PAGE1: variants seen among roughly 807,000 people sequenced by gnomAD.
The protein encoded by PAGE1 is PAGE family member 1.
PAGE1 carries 6 observed loss-of-function variants against 11.5 expected under a neutral mutation model. That is an observed-to-expected ratio of 0.52 (90% confidence interval 0.29 to 1.03). PAGE1 has a LOEUF of 1.03. Among genes scored for constraint, PAGE1 ranks in the 50% least tolerant of loss-of-function variants. PAGE1 has a pLI of 0.09. For missense variants in PAGE1, 120 were observed against 110.2 expected (o/e 1.09, Z -0.40); for synonymous variants, 42 against 40.2 (o/e 1.05, Z -0.17).
At chrX:49,694,824 G>T in intron 1 of PAGE1, 46 bp from the exon 2 acceptor site, 2 of 699,450 alleles carry the variant, frequency 2.9e-6, no homozygotes, top group Non-Finnish European at 4.5e-6. Context: ...TGAGAGGACA[G>T]CTATATTCGA....
Position 49,689,956 on chromosome X carries a change from CAT to C in PAGE1, c.293-415_293-414del, listed in dbSNP as rs1221265741. Among the ~76,000 whole-genome samples the C allele has an allele frequency of 3.6e-4, 21 of 57,639 alleles. 1 individual carries two copies. Among genetic ancestry groups the C allele is most frequent in the South Asian group, 1.4e-3 (1 of 705 alleles). The allele number at this position is 57,639 out of a possible 115,157, so 50.1% of individuals were successfully genotyped here. A position where few individuals can be genotyped will look rare whatever the true frequency, so the allele number is the denominator to read the frequency against. On this transcript the variant is annotated intron_variant, in intron 4 of 5. Transcript: ENST00000376150. ...GTATATATATGTGTGTATATACACACATATATATGTGTATATATATGTGTGTA... is the reference window on the plus strand; with the variant it reads ...GTATATATATGTGTGTATATACACACATATATGTGTATATATATGTGTGTA...
At chrX:49,693,556 G>A (rs1251393725) in intron 3 of PAGE1, among the ~76,000 whole-genome samples, 9 of 111,224 alleles carry the variant, frequency 8.1e-5, no homozygotes, top group African/African-American at 2.9e-4. Context: ...CCAGCTACCT[G>A]TATGGCAGTA....
At chrX:49,694,833 G>A (rs2066935342) in intron 1 of PAGE1, 55 bp from the exon 2 acceptor site, 2 of 625,912 alleles carry the variant, frequency 3.2e-6, no homozygotes, top group Admixed American at 2.8e-5. Flanking sequence ...AGCTATATTC[G>A]ATCACTTCCA....
chrX:49,687,494 A>G lies in PAGE1; in HGVS notation c.*47T>C, dbSNP rs782155594. 3.9e-5 allele frequency: 46 copies of G among 1,171,152 alleles called. No homozygotes were observed. The highest frequency in any genetic ancestry group is 5.1e-5 in the Non-Finnish European group (44 of 860,530). On this transcript the variant is annotated 3_prime_UTR_variant, in exon 6 of 6. Transcript: ENST00000376150. ...CTTTATTGGGAGAATTTTAATGGTC[A>G]AATTTCCAACACAGGAGCAGCCTGA...
At chrX:49,689,379 C>T in intron 5 of PAGE1, 39 bp downstream of exon 5, 2 of 1,012,440 alleles carry the variant, frequency 2.0e-6, no homozygotes, top group East Asian at 6.0e-5. Flanking sequence ...ACTGTGGAAA[C>T]AGACACCCTA....
rs782710011 is a variant in PAGE1 at position 49,689,699 on chromosome X, T to C, written c.293-156A>G. Among the ~76,000 whole-genome samples the C allele has an allele frequency of 3.5e-3, 198 of 55,912 alleles. 2 individuals are homozygous for C. The highest frequency in any genetic ancestry group is 0.015 in the East Asian group (22 of 1,453). The allele number at this position is 55,912 out of a possible 115,157, so 48.6% of individuals were successfully genotyped here. A position where few individuals can be genotyped will look rare whatever the true frequency, so the allele number is the denominator to read the frequency against. ...ATATATGTGTGTATATATATACACA[T>C]ATATATGTGTATATATGTATATATG... On this transcript the variant is annotated intron_variant, in intron 4 of 5. Coordinates refer to ENST00000376150, the MANE Select transcript of PAGE1 (RefSeq NM_003785.4).
intron 4 of PAGE1, among the ~76,000 whole-genome samples, 157 bp from the exon 5 acceptor site, chrX:49,689,700 ATATATGTG>A (rs1557141698): frequency 1.4e-4 from 8 of 58,460 alleles, no homozygotes; most frequent in Non-Finnish European, 2.1e-4. Flanking sequence ...ATATACACAT[ATATATGTG>A]TATATATGTA....
Position 49,689,937 on chromosome X carries a change from ATATG to A in PAGE1, c.293-398_293-395del, listed in dbSNP as rs1490872125. On this transcript the variant is annotated intron_variant, in intron 4 of 5. Coordinates refer to ENST00000376150, the MANE Select transcript of PAGE1 (RefSeq NM_003785.4). ...ATACACACATATATAGGGTGTATAT[ATATG>A]TGTGTATATACACACATATATATGT... 2.1e-4 allele frequency among the ~76,000 whole-genome samples: 11 copies of A among 52,397 alleles called. 1 individual carries two copies. Among genetic ancestry groups the A allele is most frequent in the African/African-American group, 9.1e-4 (11 of 12,089 alleles). 45.5% of individuals were successfully genotyped at this position (52,397 alleles called of 115,157 possible). A position where few individuals can be genotyped will look rare whatever the true frequency, so the allele number is the denominator to read the frequency against.
chrX:49,694,205 G>A lies in PAGE1; in HGVS notation c.64-4C>T, dbSNP rs1280136470. On this transcript the variant is annotated splice_region_variant and splice_polypyrimidine_tract_variant and intron_variant, in intron 2 of 5. Transcript: ENST00000376150. ...CAGGTTGCTCATCACTGGACTCCTT[G>A]TGGTAGGGAATATGTGTGTGAGTGT... The A allele has an allele frequency of 1.8e-6, 2 of 1,120,896 alleles. No homozygotes were observed. Among genetic ancestry groups the A allele is most frequent in the Non-Finnish European group, 2.4e-6 (2 of 828,228 alleles). The allele number at this position is 1,120,896 out of a possible 1,213,427, so 92.4% of individuals were successfully genotyped here.
chrX:49,694,350 A>G, intron 2 of PAGE1, 149 bp from the exon 3 acceptor site: 1 of 427,306 alleles, frequency 2.3e-6, no homozygotes, highest in Non-Finnish European at 4.1e-6. Flanking sequence ...ACTTTATTCT[A>G]TATGGTTAAT....
chrX:49,694,264 C>A, intron 2 of PAGE1, 63 bp from the exon 3 acceptor site: 1 of 586,082 alleles, frequency 1.7e-6, no homozygotes, highest in South Asian at 2.7e-5. Flanking sequence ...TAATACATGT[C>A]AAAAAATATA....
chrX:49,693,042 G>A (rs1281460053), intron 3 of PAGE1, among the ~76,000 whole-genome samples: 3 of 111,660 alleles, frequency 2.7e-5, no homozygotes, highest in Non-Finnish European at 5.6e-5. Context: ...TCTACATCAT[G>A]GATAGGATTT....
intron 1 of PAGE1, 121 bp from the exon 2 acceptor site, chrX:49,694,899 A>C (rs2066935479): frequency 2.3e-6 from 1 of 444,046 alleles, no homozygotes; most frequent in African/African-American, 2.4e-5. Context: ...AATAAGTCCC[A>C]GAGTTAAGTG....
intron 2 of PAGE1, 49 bp downstream of exon 2, chrX:49,694,659 G>T: frequency 1.2e-6 from 1 of 866,205 alleles, no homozygotes; most frequent in Non-Finnish European, 1.6e-6. Context: ...TCTGCTAATA[G>T]AAAACATCGA....
chrX:49,694,399 G>A lies in PAGE1; in HGVS notation c.64-198C>T, dbSNP rs782745507. Among the ~76,000 whole-genome samples the A allele has an allele frequency of 2.6e-4, 29 of 111,410 alleles. No homozygotes were observed. The East Asian group carries it at 6.2e-3, about 24-fold the overall frequency. On this transcript the variant is annotated intron_variant, in intron 2 of 5. Transcript: ENST00000376150. ...CCACAGAAAGGTTACTGCGAGAAAAGTTACCCACAAGGACTTTGGAAGCTA... is the reference window on the plus strand; with the variant it reads ...CCACAGAAAGGTTACTGCGAGAAAAATTACCCACAAGGACTTTGGAAGCTA...
chrX:49,690,430 C>G (rs1483992941), intron 4 of PAGE1, among the ~76,000 whole-genome samples: 1 of 109,731 alleles, frequency 9.1e-6, no homozygotes, highest in Non-Finnish European at 1.9e-5. Flanking sequence ...TTAAATGACT[C>G]AAGACTGAAA....
rs143577324 is a variant in PAGE1 at position 49,689,527 on chromosome X, C to T, written c.309G>A (p.Ala103=). The change falls in exon 5 of 6, where the codon GCG becomes GCA. Residue 103 remains alanine, a synonymous_variant. Coordinates refer to ENST00000376150, the MANE Select transcript of PAGE1 (RefSeq NM_003785.4). ...TCGGGTGAACCTGTTCCTGGCTATC[C>T]GCTTCAGGCTCTGGCCCTTAAAAAA... ...KLPAEGPEPE[A]DSQEQVHPKT... 4.0e-4 allele frequency: 313 copies of T among 786,624 alleles called. 1 individual carries two copies. In the African/African-American group the frequency reaches 7.4e-3, roughly 19 times the overall value. The allele number at this position is 786,624 out of a possible 1,213,427, so 64.8% of individuals were successfully genotyped here.
rs1557141796 is a variant in PAGE1 at position 49,689,808 on chromosome X, G to GTATATATACATATATATGTGTGTA, written c.293-266_293-265insTACACACATATATATGTATATATA. ...CACACATATATATGTATATATATGTGTATATACACACATATATGTGTATAT... is the reference window on the plus strand; with the variant it reads ...CACACATATATATGTATATATATGTGTATATATACATATATATGTGTGTATATATACACACATATATGTGTATAT... On this transcript the variant is annotated intron_variant, in intron 4 of 5. Transcript: ENST00000376150. Among the ~76,000 whole-genome samples, 2 of 54,841 alleles carry GTATATATACATATATATGTGTGTA rather than the reference G, an allele frequency of 3.6e-5. 1 individual carries two copies. The highest frequency in any genetic ancestry group is 1.7e-4 in the African/African-American group (2 of 11,914). 47.6% of individuals were successfully genotyped at this position (54,841 alleles called of 115,157 possible). A position where few individuals can be genotyped will look rare whatever the true frequency, so the allele number is the denominator to read the frequency against.
chrX:49,692,926 C>T (rs1452370328), intron 3 of PAGE1, among the ~76,000 whole-genome samples: 1 of 111,181 alleles, frequency 9.0e-6, no homozygotes, highest in African/African-American at 3.3e-5. Flanking sequence ...CAGTTTGAGA[C>T]CTTTCTACTA....
Sources: gnomAD v4.1 joint callset for allele counts (sites outside exome capture counted in the v4.1 genomes callset) on GRCh38, gnomAD v4.1.1 for gene constraint, MANE v1.5 for transcripts, NCBI Gene and HGNC (gene_info 2026-07-23, HGNC 2026-07-21) for gene names.